Variants in INSYN2B observed in about 807,000 individuals in gnomAD.
The protein encoded by INSYN2B is inhibitory synaptic factor family member 2B.
A neutral mutation model predicts 41.2 loss-of-function variants in INSYN2B; 16 were observed. That is an observed-to-expected ratio of 0.39 (90% CI 0.26 to 0.59). The LOEUF (loss-of-function observed/expected upper bound fraction) is 0.59. INSYN2B is among the 20% of genes least tolerant of loss of function. The pLI is 0.57. For missense variants in INSYN2B, 608 were observed against 646.4 expected (o/e 0.94, Z 0.64); for synonymous variants, 245 against 244.4 (o/e 1.00, Z -0.02).
At chr5:169,878,314 A>G (rs1456448114) in intron 3 of INSYN2B, among the ~76,000 whole-genome samples, 4 of 152,214 alleles carry the variant, frequency 2.6e-5, no homozygotes, top group African/African-American at 4.8e-5. Flanking sequence ...CTACACAGTT[A>G]TTCACTTCAC....
At position 169,882,656 on chromosome 5, in the gene INSYN2B, G is replaced by T. The variant is rs768204506; in HGVS notation, c.1243C>A (p.Arg415=). ...ARGELCDLQG[R]LQSVEESLHS... is the part of the protein sequence containing the mutation. ...AGAGATTCCTCCACAGATTGCAGTCGGCCTTGGAGGTCGCAGAGTTCACCC... is the reference window on the plus strand; with the variant it reads ...AGAGATTCCTCCACAGATTGCAGTCTGCCTTGGAGGTCGCAGAGTTCACCC... The change falls in exon 2 of 4, where the codon CGA becomes AGA. Residue 415 remains arginine, a synonymous_variant. Transcript: ENST00000377365. 7 of 1,551,984 alleles carry T rather than the reference G, an allele frequency of 4.5e-6. No individual in the cohort carries two copies. In the South Asian group the frequency reaches 8.3e-5, roughly 18 times the overall value.
chr5:169,920,793 A>G (rs1775130307), intron 1 of INSYN2B, among the ~76,000 whole-genome samples: 1 of 152,172 alleles, frequency 6.6e-6, no homozygotes, highest in South Asian at 2.1e-4. Context: ...TAAGAGCTGA[A>G]TGGCTGAGCT....
chr5:169,871,935 G>A (rs1216804344), intron 3 of INSYN2B, among the ~76,000 whole-genome samples: 3 of 152,150 alleles, frequency 2.0e-5, no homozygotes, highest in African/African-American at 4.8e-5. Context: ...TAATATCTGG[G>A]GTCAGCAATC....
intron 1 of INSYN2B, among the ~76,000 whole-genome samples, chr5:169,968,360 G>T (rs1202673885): frequency 6.6e-6 from 1 of 152,180 alleles, no homozygotes. Flanking sequence ...CCCTCCTTGA[G>T]ATATTTTTAC....
intron 1 of INSYN2B, among the ~76,000 whole-genome samples, chr5:169,910,351 A>G (rs537350803): frequency 4.4e-4 from 67 of 152,346 alleles, no homozygotes; most frequent in South Asian, 2.1e-3. Context: ...CAAGGTCACT[A>G]CAAAGTCATT....
intron 3 of INSYN2B, among the ~76,000 whole-genome samples, chr5:169,867,577 A>C (rs144983053): frequency 2.6e-5 from 4 of 151,864 alleles, no homozygotes; most frequent in Non-Finnish European, 5.9e-5. Context: ...TCTATCATCT[A>C]TCTGTCATCT....
intron 1 of INSYN2B, among the ~76,000 whole-genome samples, chr5:169,925,681 T>C (rs2113665329): frequency 6.6e-6 from 1 of 151,172 alleles, no homozygotes; most frequent in African/African-American, 2.4e-5. Context: ...TGTAGTTCAG[T>C]TTCTTCATCT....
chr5:169,890,199 A>G (rs1175977479), intron 1 of INSYN2B, among the ~76,000 whole-genome samples: 1 of 152,098 alleles, frequency 6.6e-6, no homozygotes, highest in African/African-American at 2.4e-5. Flanking sequence ...CCAGACATCT[A>G]ATTACTTTAT....
chr5:169,913,640 G>A (rs114519867), intron 1 of INSYN2B, among the ~76,000 whole-genome samples: 2,245 of 152,286 alleles, frequency 0.015, 53 homozygotes, highest in African/African-American at 0.051. Flanking sequence ...CTGGGAGTAT[G>A]CAGCTTATGA....
chr5:169,916,003 A>T (rs1172780799), intron 1 of INSYN2B, among the ~76,000 whole-genome samples: 1 of 152,204 alleles, frequency 6.6e-6, no homozygotes, highest in Non-Finnish European at 1.5e-5. Flanking sequence ...GAAATATTAC[A>T]AATGTTCTCA....
chr5:169,883,252 G>T lies in INSYN2B; in HGVS notation c.647C>A (p.Ala216Asp). ...GTCTGGGCTGAGAGCAGACTCTCTA[G>T]CTTCCCAGGAAGGACTGTGATAAAT... Reference protein sequence around the residue: ...DDIYHSPSWEARESALSPDRS... With the variant: ...DDIYHSPSWEDRESALSPDRS... Residue 216 changes from alanine to aspartate, a missense_variant, in exon 2 of 4, where the codon GCT becomes GAT. Ala to Asp is a moderately radical substitution (Grantham distance 126). Coordinates refer to ENST00000377365, the MANE Select transcript of INSYN2B (RefSeq NM_001129891.3). 1 of 1,551,620 alleles carries T rather than the reference G, an allele frequency of 6.4e-7. No individual in the cohort carries two copies. Among genetic ancestry groups the T allele is most frequent in the Non-Finnish European group, 8.7e-7 (1 of 1,146,956 alleles).
At chr5:169,933,097 G>A (rs1775831072) in intron 1 of INSYN2B, among the ~76,000 whole-genome samples, 1 of 152,196 alleles carries the variant, frequency 6.6e-6, no homozygotes, top group South Asian at 2.1e-4. Flanking sequence ...TAAGAGAGAT[G>A]CCCTTACTCC....
Position 169,916,147 on chromosome 5 carries a change from A to T in INSYN2B, c.-918-31331T>A, listed in dbSNP as rs568476640. ...CTTCCTGATTCCCGGGATTTACTCT[A>T]CCGGGCAGAAGCAGAAGCTGCTTAA... On this transcript the variant is annotated intron_variant, in intron 1 of 3. Coordinates refer to ENST00000377365, the MANE Select transcript of INSYN2B (RefSeq NM_001129891.3). Among the ~76,000 whole-genome samples, 5 of 152,318 alleles carry T rather than the reference A, an allele frequency of 3.3e-5. No homozygotes were observed. The East Asian group carries it at 9.7e-4, about 29-fold the overall frequency.
At chr5:169,875,800 A>G (rs1772295566) in intron 3 of INSYN2B, 1 of 152,850 alleles carries the variant, frequency 6.5e-6, no homozygotes, top group African/African-American at 2.4e-5. Context: ...TTTCAGCCCA[A>G]CAGATCTCTT....
rs189019155 is a variant in INSYN2B, at chr5:169,880,433, G to A, written c.1421+935C>T. On this transcript the variant is annotated intron_variant, in intron 3 of 3. Transcript: ENST00000377365. ...AGGCTCCAGTTTGCTCAGGCCCTAA[G>A]CTGCCAGTTTTCAACAAAAAGAGAA... is the stretch of plus-strand genomic sequence containing the variant. 7.2e-3 allele frequency among the ~76,000 whole-genome samples: 1,097 copies of A among 152,310 alleles called. 13 individuals are homozygous for A. Among genetic ancestry groups the A allele is most frequent in the South Asian group, 0.053 (256 of 4,828 alleles).
intron 1 of INSYN2B, among the ~76,000 whole-genome samples, chr5:169,928,566 C>T (rs1775589186): frequency 6.6e-6 from 1 of 152,146 alleles, no homozygotes; most frequent in South Asian, 2.1e-4. Context: ...CATGAAGCAT[C>T]GTCCATCCAA....
chr5:169,943,414 CCA>C (rs1200205036), intron 1 of INSYN2B, among the ~76,000 whole-genome samples: 1 of 151,922 alleles, frequency 6.6e-6, no homozygotes, highest in East Asian at 1.9e-4. Context: ...GGAATATGGC[CCA>C]GACTTTTAAA....
rs1771272078 is a variant in INSYN2B, at chr5:169,862,563, T to C, written c.*1710A>G. Reference sequence around the variant, plus strand: ...TAGCATATCTTATTGAAATGTGGCTTCTTAAGTATGACAAGTGTATTTATC... The same window carrying C: ...TAGCATATCTTATTGAAATGTGGCTCCTTAAGTATGACAAGTGTATTTATC... On this transcript the variant is annotated 3_prime_UTR_variant, in exon 4 of 4. Coordinates refer to ENST00000377365, the MANE Select transcript of INSYN2B (RefSeq NM_001129891.3). 6.6e-6 allele frequency among the ~76,000 whole-genome samples: 1 copy of C among 152,256 alleles called. No homozygotes were observed. The highest frequency in any genetic ancestry group is 1.9e-4 in the East Asian group (1 of 5,204).
chr5:169,950,712 C>T (rs937555395), intron 1 of INSYN2B, among the ~76,000 whole-genome samples: 2 of 152,198 alleles, frequency 1.3e-5, no homozygotes, highest in Non-Finnish European at 2.9e-5. Context: ...TTCCTGGTAA[C>T]AGCCACATTC....
Sources: allele counts gnomAD v4.1 joint callset (sites outside exome capture counted in the v4.1 genomes callset), GRCh38; gene constraint gnomAD v4.1.1; transcripts MANE v1.5; gene names NCBI Gene and HGNC (gene_info 2026-07-23, HGNC 2026-07-21).